Variants in MED15 observed in about 807,000 individuals in gnomAD.
MED15 encodes mediator of RNA polymerase II transcription subunit 15.
MED15 carries 41 observed loss-of-function variants against 118.7 expected under a neutral mutation model. The observed-to-expected ratio is 0.35, with a 90% CI of 0.27 to 0.45. MED15 has a LOEUF of 0.45. Ranked by LOEUF, MED15 falls within the 20% of genes least tolerant of loss-of-function variation. The pLI is 1.00. For missense variants in MED15, 740 were observed against 1,025.5 expected, an observed-to-expected ratio of 0.72 and a Z score of 3.80; for synonymous variants, 436 against 413.9, an observed-to-expected ratio of 1.05 and a Z score of -0.65.
At chr22:20,537,051 G>T in intron 1 of MED15, 66 bp from the exon 2 acceptor site, 1 of 1,454,212 alleles carries the variant, frequency 6.9e-7, no homozygotes, top group Non-Finnish European at 9.5e-7. Context: ...AGGGCCTGTT[G>T]GCCAGGGCCC....
At chr22:20,572,523 G>A (rs997867516) in intron 8 of MED15, among the ~76,000 whole-genome samples, 7 of 152,252 alleles carry the variant, frequency 4.6e-5, no homozygotes, top group African/African-American at 1.7e-4. Flanking sequence ...CTTGTGCTGT[G>A]CACACCTGGT....
intron 2 of MED15, among the ~76,000 whole-genome samples, chr22:20,549,980 T>C (rs1484004141): frequency 6.6e-6 from 1 of 152,200 alleles, no homozygotes; most frequent in African/African-American, 2.4e-5. Context: ...GAAACCTACT[T>C]CCCCTTGTTT....
chr22:20,554,798 G>A, intron 4 of MED15, 138 bp from the exon 5 acceptor site: 1 of 814,302 alleles, frequency 1.2e-6, no homozygotes, highest in East Asian at 2.6e-5. Context: ...CAGGAGCCTA[G>A]TCTCTTACTG....
chr22:20,542,417 C>T (rs1474002809), intron 2 of MED15, among the ~76,000 whole-genome samples: 1 of 152,166 alleles, frequency 6.6e-6, no homozygotes, highest in East Asian at 1.9e-4. Flanking sequence ...CTGATACATG[C>T]TACAACATGG....
intron 1 of MED15, among the ~76,000 whole-genome samples, chr22:20,532,905 G>A (rs77182190): frequency 0.03 from 4,516 of 152,256 alleles, 228 homozygotes; most frequent in African/African-American, 0.1. Flanking sequence ...GTGACATGTG[G>A]GTTCTCTGTT....
intron 2 of MED15, among the ~76,000 whole-genome samples, chr22:20,545,054 T>C (rs2055473042): frequency 6.6e-6 from 1 of 152,200 alleles, no homozygotes; most frequent in Non-Finnish European, 1.5e-5. Flanking sequence ...TCAAATAAGG[T>C]AACATTTACA....
chr22:20,525,502 A>G (rs925267872), intron 1 of MED15, among the ~76,000 whole-genome samples: 15 of 147,326 alleles, frequency 1.0e-4, no homozygotes, highest in African/African-American at 3.5e-4. Flanking sequence ...GACATGAGCC[A>G]TTGAGCCTGG....
At chr22:20,552,416 G>A (rs2055815623) in intron 3 of MED15, 1 of 287,094 alleles carries the variant, frequency 3.5e-6, no homozygotes, top group Admixed American at 5.0e-5. Flanking sequence ...GGCCAGCAAA[G>A]TGAACTTCAC....
At chr22:20,550,581 G>T (rs1199690028) in intron 2 of MED15, among the ~76,000 whole-genome samples, 3 of 152,262 alleles carry the variant, frequency 2.0e-5, no homozygotes, top group African/African-American at 7.2e-5. Context: ...GGTGAGCAGG[G>T]CACGGAGCCG....
chr22:20,546,257 A>T (rs943274607), intron 2 of MED15, among the ~76,000 whole-genome samples: 5 of 152,078 alleles, frequency 3.3e-5, no homozygotes, highest in African/African-American at 1.2e-4. Context: ...CCTCCTTCTT[A>T]TGAACTGGGT....
intron 17 of MED15, 110 bp from the exon 18 acceptor site, chr22:20,586,458 T>C (rs1472511971): frequency 1.3e-6 from 2 of 1,503,008 alleles, no homozygotes; most frequent in Non-Finnish European, 1.8e-6. Flanking sequence ...CATCACCTCC[T>C]GGTGCTTCGG....
chr22:20,530,136 G>A lies in MED15; in HGVS notation c.69-6981G>A, dbSNP rs534100431. On this transcript the variant is annotated intron_variant, in intron 1 of 17. Transcript: ENST00000263205. ...TGTATAACTCTCCTTCTGTTGTCTT[G>A]TGGTCCTCTGTGATTTAGGTTTTTA... 2.0e-5 allele frequency among the ~76,000 whole-genome samples: 3 copies of A among 152,172 alleles called. No homozygotes were observed. In the South Asian group the frequency reaches 6.2e-4, roughly 32 times the overall value.
chr22:20,573,805 G>A (rs1414064612), intron 8 of MED15: 8 of 152,152 alleles, frequency 5.3e-5, no homozygotes, highest in Non-Finnish European at 1.0e-4. Context: ...CTTGTGGAAC[G>A]AGTGCCGTTG....
At chr22:20,578,545 T>A (rs1312415245) in intron 9 of MED15, among the ~76,000 whole-genome samples, 1 of 152,218 alleles carries the variant, frequency 6.6e-6, no homozygotes, top group Non-Finnish European at 1.5e-5. Context: ...ACCAGGTGGC[T>A]CCAGAGGTGT....
chr22:20,533,448 G>A (rs940456859), intron 1 of MED15, among the ~76,000 whole-genome samples: 2 of 152,212 alleles, frequency 1.3e-5, no homozygotes, highest in Admixed American at 6.5e-5. Context: ...TGTCAGAACT[G>A]CAAAACCACA....
rs772043385 is a variant in MED15 at position 20,582,688 on chromosome 22, T to TC, written c.1357dup (p.Gln453ProfsTer27). ...TGCAGACCCCGCAGTCGATGCCCCC[T>TC]CCCCCCCAGCCGTCCCCGCAGCCCG... On this transcript the variant is annotated frameshift_variant, in exon 10 of 18. Coordinates refer to ENST00000263205, the MANE Select transcript of MED15 (RefSeq NM_001003891.3). LOFTEE classifies it high-confidence loss of function. The TC allele has an allele frequency of 1.6e-6, 2 of 1,231,326 alleles. No homozygotes were observed. The highest frequency in any genetic ancestry group is 1.2e-5 in the South Asian group (1 of 84,486). 76.3% of individuals were successfully genotyped at this position (1,231,326 alleles called of 1,614,324 possible).
intron 1 of MED15, among the ~76,000 whole-genome samples, chr22:20,512,861 C>T (rs892860129): frequency 1.3e-5 from 2 of 151,650 alleles, no homozygotes; most frequent in African/African-American, 4.9e-5. Context: ...CCTGCCTCAG[C>T]CTCCCGAATA....
At position 20,526,627 on chromosome 22, in the gene MED15, C is replaced by T. The variant is rs147498962; in HGVS notation, c.69-10490C>T. 2.2e-4 allele frequency among the ~76,000 whole-genome samples: 34 copies of T among 152,280 alleles called. 1 individual carries two copies. The highest frequency in any genetic ancestry group is 8.2e-4 in the African/African-American group (34 of 41,562). ...TTTCTGTGTATCTATTCTTATTCTT[C>T]CTTTATTTTCCGGTTGCCTCTCAGT... On this transcript the variant is annotated intron_variant, in intron 1 of 17. Transcript: ENST00000263205.
intron 8 of MED15, among the ~76,000 whole-genome samples, chr22:20,572,485 A>T (rs1056258170): frequency 3.9e-5 from 6 of 152,222 alleles, no homozygotes; most frequent in Non-Finnish European, 8.8e-5. Flanking sequence ...GTAGCCTGGG[A>T]CTGAGTATTC....
Sources: gnomAD v4.1 joint callset for allele counts (sites outside exome capture counted in the v4.1 genomes callset) on GRCh38, gnomAD v4.1.1 for gene constraint, MANE v1.5 for transcripts, NCBI Gene and HGNC (gene_info 2026-07-23, HGNC 2026-07-21) for gene names.